Variants in NMBR observed in about 807,000 individuals in gnomAD.
The protein encoded by NMBR is neuromedin B receptor, also known as neuromedin-B receptor.
In NMBR, 16 loss-of-function variants were observed where a neutral mutation model predicts 20.5. That is an observed-to-expected ratio of 0.78 (90% CI 0.53 to 1.19). The LOEUF (loss-of-function observed/expected upper bound fraction) is 1.19. Ranked by LOEUF, NMBR falls within the 50% of genes most tolerant of loss-of-function variation. NMBR has a pLI of 0.00. For missense variants in NMBR, 582 were observed against 499.1 expected (o/e 1.17, Z -1.58); for synonymous variants, 212 against 196.6 (o/e 1.08, Z -0.65).
At chr6:142,080,270 G>A (rs9496258) in intron 2 of NMBR, among the ~76,000 whole-genome samples, 40,377 of 145,836 alleles carry the variant, frequency 0.28, 6,133 homozygotes, top group East Asian at 0.71. Context: ...TTTTTATAGT[G>A]TCCTATTCCT....
chr6:142,126,822 AACCCTTATCAGATATAC>A (rs1378300460), intron 1 of NMBR, among the ~76,000 whole-genome samples: 93 of 114,236 alleles, frequency 8.1e-4, no homozygotes, highest in African/African-American at 3.2e-3. Context: ...TTTGGATATT[AACCCTTATCAGATATAC>A]AGTTTGCAAA....
Position 142,100,789 on chromosome 6 carries a change from G to A in NMBR, c.-663-11468C>T, listed in dbSNP as rs537923895. On this transcript the variant is annotated intron_variant, in intron 1 of 3. Transcript: ENST00000258042. The stretch of plus-strand genomic sequence containing the variant: ...AAATTGATAATGGGAGACTATGTAC[G>A]TGTGTTGGTAGAGGGTATAGGAGAC... 9.2e-5 allele frequency among the ~76,000 whole-genome samples: 14 copies of A among 152,298 alleles called. No homozygotes were observed. The East Asian group carries it at 1.2e-3, about 13-fold the overall frequency.
chr6:142,123,355 C>T (rs1777978561), intron 1 of NMBR, among the ~76,000 whole-genome samples: 1 of 151,918 alleles, frequency 6.6e-6, no homozygotes, highest in African/African-American at 2.4e-5. Context: ...AGTATTTCTT[C>T]AGATGCAATC....
intron 1 of NMBR, among the ~76,000 whole-genome samples, chr6:142,125,519 AAT>A (rs1196473299): frequency 3.6e-3 from 537 of 150,326 alleles, no homozygotes; most frequent in South Asian, 5.3e-3. Context: ...ATACATACAC[AAT>A]TACTCATGCT....
At chr6:142,076,953 T>C (rs1776962026) in intron 3 of NMBR, among the ~76,000 whole-genome samples, 1 of 152,056 alleles carries the variant, frequency 6.6e-6, no homozygotes, top group Non-Finnish European at 1.5e-5. Flanking sequence ...TATCTGATGG[T>C]AGGTAGCAAT....
At position 142,100,462 on chromosome 6, in the gene NMBR, C is replaced by T. The variant is rs528930899; in HGVS notation, c.-663-11141G>A. 1.1e-4 allele frequency among the ~76,000 whole-genome samples: 17 copies of T among 152,286 alleles called. No homozygotes were observed. In the East Asian group the frequency reaches 3.1e-3, roughly 28 times the overall value. On this transcript the variant is annotated intron_variant, in intron 1 of 3. Coordinates refer to ENST00000258042, the MANE Select transcript of NMBR (RefSeq NM_002511.4). ...ATTGAACTAAGTCAATCTGAAAAGG[C>T]TGTGTACTGTATGATTTCAACTATA...
At chr6:142,126,936 T>G (rs981395666) in intron 1 of NMBR, among the ~76,000 whole-genome samples, 1 of 151,318 alleles carries the variant, frequency 6.6e-6, no homozygotes, top group Non-Finnish European at 1.5e-5. Context: ...CCTTTTACTT[T>G]TGTGTGTGTG....
chr6:142,086,771 C>T (rs1325914190), intron 2 of NMBR, among the ~76,000 whole-genome samples: 2 of 152,120 alleles, frequency 1.3e-5, no homozygotes, highest in Non-Finnish European at 2.9e-5. Context: ...GGTCATGTGT[C>T]GCCATGACAA....
chr6:142,139,649 T>C (rs537127892), intron 1 of NMBR, among the ~76,000 whole-genome samples: 1 of 152,308 alleles, frequency 6.6e-6, no homozygotes, highest in South Asian at 2.1e-4. Flanking sequence ...TCTACTTCTT[T>C]GAACTAAACA....
At chr6:142,144,265 G>T (rs1359216395) in intron 1 of NMBR, among the ~76,000 whole-genome samples, 1 of 152,144 alleles carries the variant, frequency 6.6e-6, no homozygotes, top group Non-Finnish European at 1.5e-5. Context: ...ATCTTAAAAA[G>T]ATACAGCTAT....
intron 1 of NMBR, among the ~76,000 whole-genome samples, chr6:142,095,385 G>A (rs747417168): frequency 1.3e-5 from 2 of 152,094 alleles, no homozygotes; most frequent in Non-Finnish European, 2.9e-5. Context: ...TTTGTCCAAG[G>A]CCTTTTCTGC....
chr6:142,114,872 T>C lies in NMBR; in HGVS notation c.-663-25551A>G, dbSNP rs945941770. On this transcript the variant is annotated intron_variant, in intron 1 of 3. Transcript: ENST00000258042. ...CATAGCAACACTATGAACTCCATAT[T>C]ATTATTCCCATTTTACAGATGACAA... Among the ~76,000 whole-genome samples the C allele has an allele frequency of 2.0e-4, 30 of 152,080 alleles. 1 individual carries two copies. The highest frequency in any genetic ancestry group is 2.2e-4 in the Non-Finnish European group (15 of 68,002).
chr6:142,089,623 C>T (rs1777282754), intron 1 of NMBR, among the ~76,000 whole-genome samples: 1 of 152,130 alleles, frequency 6.6e-6, no homozygotes, highest in Admixed American at 6.5e-5. Flanking sequence ...TATTGAGCAT[C>T]GTATAAATGG....
chr6:142,120,324 C>T lies in NMBR; in HGVS notation c.-664+26720G>A, dbSNP rs536940827. ...TGAATGCATCAGCTCACTCCAGAGG[C>T]AGTTTCACACCACCTTTTAGGAAGA... is the stretch of plus-strand genomic sequence containing the variant. On this transcript the variant is annotated intron_variant, in intron 1 of 3. Transcript: ENST00000258042. Among the ~76,000 whole-genome samples the T allele has an allele frequency of 3.1e-3, 465 of 152,018 alleles. 1 individual carries two copies. The highest frequency in any genetic ancestry group is 0.011 in the African/African-American group (450 of 41,516).
At chr6:142,125,293 T>A (rs779551443) in intron 1 of NMBR, among the ~76,000 whole-genome samples, 1 of 151,776 alleles carries the variant, frequency 6.6e-6, no homozygotes, top group Admixed American at 6.6e-5. Flanking sequence ...AGAGGAAACA[T>A]ATATAGAGAT....
At chr6:142,119,795 G>A (rs564030266) in intron 1 of NMBR, among the ~76,000 whole-genome samples, 2 of 151,882 alleles carry the variant, frequency 1.3e-5, no homozygotes, top group East Asian at 1.9e-4. Context: ...AGAGTCTTTC[G>A]TTTTAAGAAT....
At chr6:142,101,388 C>T (rs1282363729) in intron 1 of NMBR, among the ~76,000 whole-genome samples, 1 of 152,092 alleles carries the variant, frequency 6.6e-6, no homozygotes, top group Non-Finnish European at 1.5e-5. Context: ...GATCATTGAT[C>T]AAAATTTTAT....
chr6:142,105,107 C>T (rs9385987), intron 1 of NMBR, among the ~76,000 whole-genome samples: 27,177 of 124,064 alleles, frequency 0.22, 3,137 homozygotes, highest in Non-Finnish European at 0.28. Flanking sequence ...TTAACAAGGG[C>T]GGGGGAATAT....
At position 142,075,316 on chromosome 6, in the gene NMBR, C is replaced by A. The variant is rs1238284096; in HGVS notation, c.*332G>T. Among the ~76,000 whole-genome samples, 1 of 151,868 alleles carries A rather than the reference C, an allele frequency of 6.6e-6. No homozygotes were observed. Among genetic ancestry groups the A allele is most frequent in the Non-Finnish European group, 1.5e-5 (1 of 67,978 alleles). On this transcript the variant is annotated 3_prime_UTR_variant, in exon 4 of 4. Coordinates refer to ENST00000258042, the MANE Select transcript of NMBR (RefSeq NM_002511.4). ...TTTAGCAACAGCCTAAATACTAAAGCAATGTTAAATTATACATATTGCATT... is the reference window on the plus strand; with the variant it reads ...TTTAGCAACAGCCTAAATACTAAAGAAATGTTAAATTATACATATTGCATT...
Sources: gnomAD v4.1 joint callset for allele counts (sites outside exome capture counted in the v4.1 genomes callset) on GRCh38, gnomAD v4.1.1 for gene constraint, MANE v1.5 for transcripts, NCBI Gene and HGNC (gene_info 2026-07-23, HGNC 2026-07-21) for gene names.